Variants in SNPH observed in about 807,000 individuals in gnomAD.
SNPH encodes syntaphilin.
A neutral mutation model predicts 36.8 loss-of-function variants in SNPH; 10 were observed. That is an observed-to-expected ratio of 0.27 (90% CI 0.17 to 0.46). SNPH has a LOEUF of 0.46. Ranked by LOEUF, SNPH falls within the 20% of genes least tolerant of loss-of-function variation. The probability of loss-of-function intolerance (pLI) is 1.00; values close to 1 mark genes in which losing one functional copy is unlikely to be tolerated. For synonymous variants in SNPH, 281 were observed against 312.2 expected (o/e 0.90, Z 1.05); for missense variants, 622 against 744.0 (o/e 0.84, Z 1.91).
chr20:1,269,233 T>C (rs776567795), intron 2 of SNPH, among the ~76,000 whole-genome samples: 1 of 152,202 alleles, frequency 6.6e-6, no homozygotes, highest in East Asian at 1.9e-4. Flanking sequence ...TATATAATGA[T>C]GGGACTGGAC....
At position 1,278,046 on chromosome 20, in the gene SNPH, C is replaced by CTG. The variant is rs759092753; in HGVS notation, c.-493+11298_-493+11299dup. Among the ~76,000 whole-genome samples the CTG allele has an allele frequency of 7.0e-4, 39 of 55,370 alleles. 2 individuals carry two copies. Among genetic ancestry groups the CTG allele is most frequent in the African/African-American group, 2.1e-3 (27 of 12,992 alleles). 36.3% of individuals were successfully genotyped at this position (55,370 alleles called of 152,430 possible). On this transcript the variant is annotated intron_variant, in intron 2 of 6. Coordinates refer to ENST00000381867, the MANE Select transcript of SNPH (RefSeq NM_001318234.2). ...TGTATGTGTGTCTGTGTATGTGTGC[C>CTG]TGTGTGTGTGTGTCTGTGTGTGTAT...
chr20:1,304,878 G>C lies in SNPH; in HGVS notation c.441G>C (p.Arg147=). 6.2e-7 allele frequency: 1 copy of C among 1,612,166 alleles called. No homozygotes were observed. Among genetic ancestry groups the C allele is most frequent in the Non-Finnish European group, 8.5e-7 (1 of 1,179,352 alleles). The change falls in exon 7 of 7, where the codon CGG becomes CGC. Residue 147 remains arginine (R), a splice_region_variant and synonymous_variant. Transcript: ENST00000381867. This position sits in a 1 kb window ranked among gnomAD's most constrained non-coding sequence, Gnocchi z 4.3. ...GTGTGTGTGTCTCCTCGGCTCGCAG[G>C]GACACAGAGATTGATGACCTGAAGA... ...LKDTQDRLQD[R]DTEIDDLKTQ...
At chr20:1,290,105 G>T (rs1394869045) in intron 2 of SNPH, among the ~76,000 whole-genome samples, 1 of 151,798 alleles carries the variant, frequency 6.6e-6, no homozygotes, top group Non-Finnish European at 1.5e-5. Flanking sequence ...CCAGCTACTC[G>T]ATAGGGTGAG....
chr20:1,300,743 T>C (rs781779871), intron 6 of SNPH, 32 bp downstream of exon 6: 5 of 1,585,878 alleles, frequency 3.2e-6, no homozygotes, highest in Admixed American at 1.7e-5. Flanking sequence ...GCCCTGGGGG[T>C]ACCCCACCAG....
At chr20:1,268,902 A>G (rs1005814407) in intron 2 of SNPH, among the ~76,000 whole-genome samples, 1 of 152,310 alleles carries the variant, frequency 6.6e-6, no homozygotes, top group East Asian at 1.9e-4. Context: ...TGATTAACAG[A>G]TGCTTCGCCT....
chr20:1,296,443 A>G (rs764587008), intron 4 of SNPH, 22 bp downstream of exon 4: 2 of 1,575,476 alleles, frequency 1.3e-6, no homozygotes, highest in Admixed American at 3.9e-5. Context: ...CCTCGCTCAC[A>G]GCCTAGGCTT....
chr20:1,293,829 G>A (rs543884531), intron 2 of SNPH, among the ~76,000 whole-genome samples: 3 of 152,288 alleles, frequency 2.0e-5, no homozygotes, highest in South Asian at 4.1e-4. Flanking sequence ...GCAGGTGTGG[G>A]GTAGCCAAGC....
intron 2 of SNPH, among the ~76,000 whole-genome samples, chr20:1,286,970 A>G (rs1442543097): frequency 1.3e-5 from 2 of 152,178 alleles, no homozygotes; most frequent in Non-Finnish European, 2.9e-5. Flanking sequence ...CACACAGGGC[A>G]ACTTTGGGGA....
intron 2 of SNPH, among the ~76,000 whole-genome samples, chr20:1,291,134 A>G (rs1254404378): frequency 6.6e-6 from 1 of 152,226 alleles, no homozygotes. Context: ...ATCTGAGTCT[A>G]ATCACTGGAG....
intron 6 of SNPH, among the ~76,000 whole-genome samples, chr20:1,302,831 C>T (rs1190292056): frequency 6.6e-6 from 1 of 152,236 alleles, no homozygotes; most frequent in African/African-American, 2.4e-5. Flanking sequence ...TAGCATTCAG[C>T]GAGCTTCATT....
intron 5 of SNPH, among the ~76,000 whole-genome samples, chr20:1,300,314 C>G (rs1472287430): frequency 6.6e-6 from 1 of 152,196 alleles, no homozygotes; most frequent in Non-Finnish European, 1.5e-5. Context: ...GATATATCTC[C>G]CCACCCAGCC....
intron 2 of SNPH, among the ~76,000 whole-genome samples, chr20:1,270,004 A>C (rs1227913240): frequency 6.6e-6 from 1 of 152,188 alleles, no homozygotes; most frequent in African/African-American, 2.4e-5. Flanking sequence ...CTGGGTGTCC[A>C]AAGGGTTGCT....
At chr20:1,281,484 G>T (rs1223551072) in intron 2 of SNPH, among the ~76,000 whole-genome samples, 2 of 152,096 alleles carry the variant, frequency 1.3e-5, no homozygotes, top group African/African-American at 2.4e-5. Context: ...TTTTCTGCTG[G>T]CTCAGCCCTT....
At chr20:1,293,486 A>C (rs939577705) in intron 2 of SNPH, among the ~76,000 whole-genome samples, 2 of 152,170 alleles carry the variant, frequency 1.3e-5, no homozygotes, top group African/African-American at 4.8e-5. Context: ...ACTCCAGGCT[A>C]AGCAGGTGGC....
In SNPH at chr20:1,276,646, A is replaced by C. The variant is rs916776995; in HGVS notation, c.-493+9886A>C. The stretch of plus-strand genomic sequence containing the variant: ...AGGGGCTTTATTTATTAAACACAGT[A>C]GGTGCTTAATAAATGCCAGTACCCT... On this transcript the variant is annotated intron_variant, in intron 2 of 6. Coordinates refer to ENST00000381867, the MANE Select transcript of SNPH (RefSeq NM_001318234.2). This position sits in a 1 kb window ranked among gnomAD's most constrained non-coding sequence, Gnocchi z 4.6. Among the ~76,000 whole-genome samples the C allele has an allele frequency of 2.0e-5, 3 of 152,226 alleles. No homozygotes were observed. Among genetic ancestry groups the C allele is most frequent in the Non-Finnish European group, 4.4e-5 (3 of 68,044 alleles).
chr20:1,300,233 A>G (rs1430989954), intron 5 of SNPH, among the ~76,000 whole-genome samples: 1 of 152,180 alleles, frequency 6.6e-6, no homozygotes, highest in East Asian at 1.9e-4. Flanking sequence ...TCCCTACTTC[A>G]GGGCTGCTAT....
intron 2 of SNPH, among the ~76,000 whole-genome samples, chr20:1,275,041 A>G (rs1201642717): frequency 6.6e-6 from 1 of 152,178 alleles, no homozygotes; most frequent in Non-Finnish European, 1.5e-5. Flanking sequence ...GAGGCAAACT[A>G]CGTCTTCTGG....
At chr20:1,274,471 G>A (rs1021501218) in intron 2 of SNPH, among the ~76,000 whole-genome samples, 32 of 152,186 alleles carry the variant, frequency 2.1e-4, no homozygotes, top group African/African-American at 6.0e-4. Context: ...TCTTGCCATA[G>A]GATGGAGTTT....
intron 2 of SNPH, among the ~76,000 whole-genome samples, chr20:1,292,489 T>A (rs990746687): frequency 7.9e-5 from 12 of 152,336 alleles, no homozygotes; most frequent in Admixed American, 1.3e-4. Flanking sequence ...TTCTCCATTG[T>A]TCCTGCCATG....
Sources: gnomAD v4.1 joint callset for allele counts (sites outside exome capture counted in the v4.1 genomes callset) on GRCh38, gnomAD v4.1.1 for gene constraint, Gnocchi (gnomAD v3.1) non-coding constraint, MANE v1.5 for transcripts, NCBI Gene and HGNC (gene_info 2026-07-23, HGNC 2026-07-21) for gene names.